Variants in R3HDM1 observed in about 807,000 individuals in gnomAD.
R3HDM1 encodes the protein R3H domain containing 1.
A neutral mutation model predicts 141.1 loss-of-function variants in R3HDM1; 46 were observed. That is an observed-to-expected ratio of 0.33 (90% CI 0.26 to 0.42). The LOEUF (loss-of-function observed/expected upper bound fraction) is 0.42. R3HDM1 is among the 10% of genes least tolerant of loss of function. R3HDM1 has a pLI of 1.00. For synonymous variants in R3HDM1, 435 were observed against 472.9 expected (o/e 0.92, Z 1.04); for missense variants, 1,184 against 1,368.3 (o/e 0.87, Z 2.12).
intron 14 of R3HDM1, among the ~76,000 whole-genome samples, chr2:135,640,823 T>C (rs1389935296): frequency 6.6e-6 from 1 of 152,190 alleles, no homozygotes; most frequent in African/African-American, 2.4e-5. Flanking sequence ...TTTCAGTCCC[T>C]GTATAATAGA....
intron 14 of R3HDM1, among the ~76,000 whole-genome samples, chr2:135,639,657 C>T (rs1459332119): frequency 2.6e-5 from 4 of 152,228 alleles, no homozygotes; most frequent in Non-Finnish European, 5.9e-5. Context: ...CCTCATTCTA[C>T]TACCTGCTTC....
At chr2:135,714,684 G>T (rs910349589) in intron 23 of R3HDM1, among the ~76,000 whole-genome samples, 6 of 151,160 alleles carry the variant, frequency 4.0e-5, no homozygotes, top group African/African-American at 1.2e-4. Flanking sequence ...AATTATTTTG[G>T]GTTAAAGGAA....
chr2:135,722,139 C>A, intron 25 of R3HDM1, 133 bp downstream of exon 25: 1 of 819,392 alleles, frequency 1.2e-6, no homozygotes, highest in Non-Finnish European at 2.0e-6. Flanking sequence ...TTGGTTTACA[C>A]AGATTATCAC....
At chr2:135,573,888 T>TA (rs971580658) in intron 1 of R3HDM1, among the ~76,000 whole-genome samples, 6 of 151,876 alleles carry the variant, frequency 4.0e-5, no homozygotes, top group Non-Finnish European at 8.8e-5. Context: ...GGTGCTTTAA[T>TA]AAAAAAATTT....
chr2:135,609,388 A>T (rs1157307249), intron 3 of R3HDM1, among the ~76,000 whole-genome samples: 1 of 152,228 alleles, frequency 6.6e-6, no homozygotes, highest in Non-Finnish European at 1.5e-5. Flanking sequence ...CATTAACGTC[A>T]GGAAGTTAAC....
Position 135,638,634 on chromosome 2 carries a change from A to G in R3HDM1, c.920A>G (p.Glu307Gly). 1 of 1,610,220 alleles carries G rather than the reference A, an allele frequency of 6.2e-7. No individual in the cohort carries two copies. The highest frequency in any genetic ancestry group is 8.5e-7 in the Non-Finnish European group (1 of 1,176,622). The change falls in exon 12 of 27, where the codon GAG becomes GGG. Residue 307 changes from glutamate (E) to glycine (G), a missense_variant. By Grantham distance (98) the Glu-to-Gly change is moderately conservative. Transcript: ENST00000683871. ...IFSQDSLCSQ[E>G]NYIIDKRLQD... is the part of the protein sequence containing the mutation. ...TTTTTCTAGTCCCTGTGTTCCCAAG[A>G]GAATTACATTATTGACAAAAGGTGA...
intron 21 of R3HDM1, among the ~76,000 whole-genome samples, chr2:135,683,197 G>A (rs2105360450): frequency 6.6e-6 from 1 of 152,260 alleles, no homozygotes; most frequent in South Asian, 2.1e-4. Flanking sequence ...TGTGTATTCT[G>A]TCAGACTCAT....
chr2:135,585,166 T>G (rs1707596313), intron 1 of R3HDM1, among the ~76,000 whole-genome samples: 1 of 152,208 alleles, frequency 6.6e-6, no homozygotes, highest in Non-Finnish European at 1.5e-5. Context: ...TCACCTTTGT[T>G]GTTTGAAGAT....
At chr2:135,709,954 A>C (rs2075425173) in intron 22 of R3HDM1, 105 bp from the exon 23 acceptor site, 2 of 1,221,080 alleles carry the variant, frequency 1.6e-6, no homozygotes, top group South Asian at 1.6e-5. Flanking sequence ...TTAATAGTAA[A>C]ATTTTATTCA....
intron 7 of R3HDM1, chr2:135,623,141 A>G: frequency 1.4e-6 from 1 of 695,842 alleles, no homozygotes; most frequent in Non-Finnish European, 1.8e-6. Context: ...GAGTTTATAA[A>G]TCATCAACCC....
chr2:135,712,428 A>AT (rs34713048), intron 23 of R3HDM1, among the ~76,000 whole-genome samples: 12,419 of 103,722 alleles, frequency 0.12, 1,456 homozygotes, highest in African/African-American at 0.32. Flanking sequence ...TGCCCAACTA[A>AT]TTTTTTTTTT....
chr2:135,686,490 C>G (rs1055291407), intron 21 of R3HDM1, among the ~76,000 whole-genome samples: 3 of 152,200 alleles, frequency 2.0e-5, no homozygotes, highest in African/African-American at 7.2e-5. Flanking sequence ...GATCCCAACA[C>G]TTTTTGAGGC....
intron 3 of R3HDM1, among the ~76,000 whole-genome samples, chr2:135,613,784 C>T (rs772922043): frequency 4.5e-4 from 68 of 152,294 alleles, no homozygotes; most frequent in Non-Finnish European, 8.4e-4. Flanking sequence ...CCACTGCACT[C>T]CAGCCTGGGC....
At chr2:135,664,523 A>G (rs1188759023) in intron 19 of R3HDM1, among the ~76,000 whole-genome samples, 1 of 152,196 alleles carries the variant, frequency 6.6e-6, no homozygotes. Flanking sequence ...TGAGCAAAGT[A>G]TTTTTAGACC....
At chr2:135,638,281 A>G (rs935534380) in intron 11 of R3HDM1, among the ~76,000 whole-genome samples, 3 of 152,216 alleles carry the variant, frequency 2.0e-5, no homozygotes, top group Admixed American at 6.5e-5. Flanking sequence ...AGGTGATCAA[A>G]TATTTGTTAA....
intron 17 of R3HDM1, 48 bp downstream of exon 17, chr2:135,650,051 G>A: frequency 8.5e-7 from 1 of 1,173,944 alleles, no homozygotes; most frequent in South Asian, 1.7e-5. Flanking sequence ...GGGTGGATGT[G>A]TGATGAATGC....
At chr2:135,670,335 TTA>T in intron 19 of R3HDM1, 1 of 985,222 alleles carries the variant, frequency 1.0e-6, no homozygotes, top group South Asian at 4.7e-5. Context: ...TCTAAAATGT[TTA>T]TATTTTTTGT....
intron 1 of R3HDM1, chr2:135,536,401 C>A: frequency 2.9e-6 from 1 of 340,934 alleles, no homozygotes; most frequent in Non-Finnish European, 4.1e-6. Flanking sequence ...CCTGCCTTAG[C>A]CTGCCAAAGT....
chr2:135,634,514 C>T (rs1574546590), intron 9 of R3HDM1, among the ~76,000 whole-genome samples: 1 of 152,120 alleles, frequency 6.6e-6, no homozygotes, highest in East Asian at 1.9e-4. Context: ...CATGGTGGCA[C>T]CCTCCTGTAA....
Sources: allele counts gnomAD v4.1 joint callset (sites outside exome capture counted in the v4.1 genomes callset), GRCh38; gene constraint gnomAD v4.1.1; transcripts MANE v1.5; gene names NCBI Gene and HGNC (gene_info 2026-07-23, HGNC 2026-07-21).